MED12L: variants seen among roughly 807,000 people sequenced by gnomAD.
MED12L encodes the protein mediator complex subunit 12L.
A neutral mutation model predicts 281.3 loss-of-function variants in MED12L; 60 were observed. The ratio of observed to expected loss-of-function variants is 0.21; its 90% CI spans 0.17 to 0.26. MED12L has a LOEUF of 0.26. Among genes scored for constraint, MED12L ranks in the 10% least tolerant of loss-of-function variants. MED12L has a pLI of 1.00. For synonymous variants in MED12L, 974 were observed against 987.2 expected, an observed-to-expected ratio of 0.99 and a Z score of 0.25; for missense variants, 2,146 against 2,680.9, an observed-to-expected ratio of 0.80 and a Z score of 4.41.
intron 16 of MED12L, among the ~76,000 whole-genome samples, chr3:151,250,295 A>G (rs998180730): frequency 2.6e-5 from 4 of 152,186 alleles, no homozygotes; most frequent in Non-Finnish European, 5.9e-5. Flanking sequence ...TACACATAAC[A>G]TTTGCCACCT....
intron 2 of MED12L, among the ~76,000 whole-genome samples, chr3:151,099,263 A>G (rs940249593): frequency 3.3e-5 from 5 of 152,146 alleles, no homozygotes; most frequent in African/African-American, 1.2e-4. Context: ...ATTTACCAAC[A>G]CTTTTAGCTT....
chr3:151,292,288 CTTTTTT>C lies in MED12L; in HGVS notation c.2251-57759_2251-57754del, dbSNP rs35742538. 1.2e-3 allele frequency among the ~76,000 whole-genome samples: 166 copies of C among 139,852 alleles called. 1 individual carries two copies. Among genetic ancestry groups the C allele is most frequent in the African/African-American group, 3.8e-3 (141 of 36,700 alleles). The allele number at this position is 139,852 out of a possible 152,430, so 91.7% of individuals were successfully genotyped here. ...TATTTTCCCAGCAATAATATTGCTC[CTTTTTT>C]TTTTTTTTTTTGGATGGAGTTTTGC... is the stretch of plus-strand genomic sequence containing the variant. On this transcript the variant is annotated intron_variant, in intron 16 of 44. Coordinates refer to ENST00000687756, the MANE Select transcript of MED12L (RefSeq NM_001393769.1).
chr3:151,258,556 T>C (rs185312536), intron 16 of MED12L, among the ~76,000 whole-genome samples: 5 of 152,318 alleles, frequency 3.3e-5, no homozygotes, highest in African/African-American at 1.2e-4. Context: ...TCTAGGGCTG[T>C]GGTGCATCCT....
chr3:151,125,176 T>A (rs1714323155), intron 4 of MED12L, among the ~76,000 whole-genome samples: 1 of 152,250 alleles, frequency 6.6e-6, no homozygotes, highest in Non-Finnish European at 1.5e-5. Flanking sequence ...AGGAAGTCAA[T>A]ACTTTAGTCA....
At position 151,365,146 on chromosome 3, in the gene MED12L, G is replaced by C; in HGVS notation, c.3125G>C (p.Arg1042Pro). The change falls in exon 22 of 45, where the codon CGC becomes CCC. Residue 1042 changes from arginine (R) to proline (P), a missense_variant. This residue lies in a region of MED12L where 404 missense variants were observed against 603.5 expected (regional missense o/e 0.67). Coordinates refer to ENST00000687756, the MANE Select transcript of MED12L (RefSeq NM_001393769.1). ...ATCCTCAGTGACAATGCGGCCAATC[G>C]CTACAGCTTTGTCTGCAATACACTC... ...GKILSDNAAN[R>P]YSFVCNTLMN... 1 of 1,614,046 alleles carries C rather than the reference G, an allele frequency of 6.2e-7. No individual in the cohort carries two copies. The highest frequency in any genetic ancestry group is 8.5e-7 in the Non-Finnish European group (1 of 1,179,964).
At chr3:151,291,266 C>A (rs533244801) in intron 16 of MED12L, among the ~76,000 whole-genome samples, 1 of 151,574 alleles carries the variant, frequency 6.6e-6, no homozygotes, top group South Asian at 2.1e-4. Context: ...TGTGTGCACA[C>A]ACACAAAATT....
At chr3:151,362,405 A>C (rs1447802537) in intron 21 of MED12L, among the ~76,000 whole-genome samples, 2 of 151,698 alleles carry the variant, frequency 1.3e-5, no homozygotes, top group African/African-American at 4.8e-5. Context: ...CTGATCAAAC[A>C]CTCTAAGAAC....
intron 5 of MED12L, among the ~76,000 whole-genome samples, chr3:151,152,085 G>GCT (rs1269821388): frequency 3.2e-5 from 2 of 63,020 alleles, no homozygotes; most frequent in African/African-American, 1.2e-4. Flanking sequence ...GTTGAAGGTG[G>GCT]TTTTTTTTTT....
intron 5 of MED12L, among the ~76,000 whole-genome samples, chr3:151,129,228 T>C (rs540224339): frequency 3.3e-5 from 5 of 151,744 alleles, no homozygotes; most frequent in Non-Finnish European, 7.4e-5. Context: ...TGGTGGGGAG[T>C]GGTGTGATTG....
intron 16 of MED12L, among the ~76,000 whole-genome samples, chr3:151,305,891 T>G (rs2149748769): frequency 6.6e-6 from 1 of 152,228 alleles, no homozygotes; most frequent in South Asian, 2.1e-4. Flanking sequence ...GAATCCAGAT[T>G]TGGAACCCAT....
At chr3:151,229,103 C>G (rs1006152495) in intron 16 of MED12L, among the ~76,000 whole-genome samples, 4 of 152,148 alleles carry the variant, frequency 2.6e-5, no homozygotes, top group Non-Finnish European at 5.9e-5. Flanking sequence ...GTTCAAGATT[C>G]AGGCTTATAT....
At chr3:151,350,866 A>G (rs1388756018) in intron 17 of MED12L, among the ~76,000 whole-genome samples, 2 of 152,188 alleles carry the variant, frequency 1.3e-5, no homozygotes, top group Non-Finnish European at 2.9e-5. Flanking sequence ...ACATTGCATA[A>G]TTGGAATTTT....
intron 18 of MED12L, 22 bp downstream of exon 18, chr3:151,355,261 T>C: frequency 1.3e-6 from 2 of 1,525,356 alleles, no homozygotes; most frequent in South Asian, 1.1e-5. Context: ...AAGCTGTTTA[T>C]TATGCATTTG....
chr3:151,265,992 T>C (rs777592070), intron 16 of MED12L, among the ~76,000 whole-genome samples: 6 of 152,184 alleles, frequency 3.9e-5, no homozygotes, highest in Non-Finnish European at 8.8e-5. Context: ...TTAATTGTTG[T>C]CTGTGCCTTC....
At chr3:151,216,530 A>G (rs1920397) in intron 16 of MED12L, among the ~76,000 whole-genome samples, 127,179 of 152,256 alleles carry the variant, frequency 0.84, 53,218 homozygotes, top group African/African-American at 0.89. Flanking sequence ...TTCCTTTCCC[A>G]TATGCTTTCC....
intron 16 of MED12L, chr3:151,337,529 G>T: frequency 3.1e-6 from 1 of 322,728 alleles, no homozygotes; most frequent in African/African-American, 2.2e-5. Context: ...TACTCATTTT[G>T]GCAAAACTCT....
chr3:151,361,832 G>A (rs1156229167), intron 21 of MED12L, among the ~76,000 whole-genome samples: 2 of 152,044 alleles, frequency 1.3e-5, no homozygotes, highest in Non-Finnish European at 2.9e-5. Flanking sequence ...ACTTCAAATA[G>A]CATCCCCAAC....
At chr3:151,300,670 T>C (rs533014329) in intron 16 of MED12L, among the ~76,000 whole-genome samples, 120 of 152,302 alleles carry the variant, frequency 7.9e-4, no homozygotes, top group Non-Finnish European at 1.4e-3. Context: ...TCTCATGAAA[T>C]AAAACCATGT....
At chr3:151,174,146 G>T (rs144316829) in intron 11 of MED12L, among the ~76,000 whole-genome samples, 1 of 152,096 alleles carries the variant, frequency 6.6e-6, no homozygotes, top group South Asian at 2.1e-4. Flanking sequence ...TTTCCTTTGC[G>T]CATCAGGTTG....
Sources: allele counts gnomAD v4.1 joint callset (sites outside exome capture counted in the v4.1 genomes callset), GRCh38; gene constraint gnomAD v4.1.1; regional missense constraint gnomAD v4.1.1; transcripts MANE v1.5; gene names NCBI Gene and HGNC (gene_info 2026-07-23, HGNC 2026-07-21).